Variants in LMO7 observed in about 807,000 individuals in gnomAD.
LMO7 encodes LIM domain only protein 7.
A neutral mutation model predicts 206.5 loss-of-function variants in LMO7; 120 were observed. That is an observed-to-expected ratio of 0.58 (90% CI 0.50 to 0.68). The LOEUF (loss-of-function observed/expected upper bound fraction) is 0.68. LMO7 is among the 30% of genes least tolerant of loss of function. The pLI, the probability that LMO7 is intolerant of heterozygous loss-of-function variation, is 0.00. For missense variants in LMO7, 1,959 were observed against 1,957.9 expected, an observed-to-expected ratio of 1.00 and a Z score of -0.01; for synonymous variants, 706 against 681.5, an observed-to-expected ratio of 1.04 and a Z score of -0.56.
intron 4 of LMO7, among the ~76,000 whole-genome samples, chr13:75,781,096 CTTTTTTTTTTTTT>C (rs367937964): frequency 2.4e-4 from 10 of 41,924 alleles, no homozygotes; most frequent in Admixed American, 3.4e-4. Flanking sequence ...CTCTATTTTC[CTTTTTTTTTTTTT>C]TTTTTTTTTT....
Position 75,630,518 on chromosome 13 carries a change from C to T in LMO7, c.225+7198C>T, listed in dbSNP as rs1353960718. 3.3e-5 allele frequency among the ~76,000 whole-genome samples: 5 copies of T among 151,982 alleles called. No individual in the cohort carries two copies. In the South Asian group the frequency reaches 1.0e-3, roughly 32 times the overall value. On this transcript the variant is annotated intron_variant, in intron 2 of 29. Coordinates refer to the LMO7 transcript ENST00000341547. ...TGAAACACCGTCTCTACAAAAAATA[C>T]AAAAATTACACCAGGCATGGTGGCA... is the stretch of plus-strand genomic sequence containing the variant.
intron 3 of LMO7, among the ~76,000 whole-genome samples, chr13:75,737,796 A>C (rs1382669151): frequency 3.1e-5 from 4 of 127,826 alleles, no homozygotes; most frequent in African/African-American, 5.7e-5. Context: ...AAAAAAAAAA[A>C]AAAAACTTTT....
intron 29 of LMO7, 145 bp from the exon 30 acceptor site, chr13:75,856,361 C>T: frequency 1.8e-6 from 1 of 570,976 alleles, no homozygotes. Context: ...ATCTACTAAT[C>T]ATCTTTCGGC....
chr13:75,743,863 G>A (rs945192370), intron 3 of LMO7, among the ~76,000 whole-genome samples: 1 of 151,956 alleles, frequency 6.6e-6, no homozygotes, highest in African/African-American at 2.4e-5. Flanking sequence ...AAAACCCCAC[G>A]AAAACACACT....
chr13:75,713,823 A>C (rs1323801941), intron 2 of LMO7, among the ~76,000 whole-genome samples: 1 of 152,210 alleles, frequency 6.6e-6, no homozygotes, highest in African/African-American at 2.4e-5. Context: ...TGATAGTATA[A>C]GGCCTACATT....
chr13:75,815,090 G>A (rs550638148), intron 11 of LMO7, among the ~76,000 whole-genome samples: 1 of 152,248 alleles, frequency 6.6e-6, no homozygotes, highest in African/African-American at 2.4e-5. Flanking sequence ...CAGTCTGAAA[G>A]GAACTCTCTG....
intron 1 of LMO7, among the ~76,000 whole-genome samples, chr13:75,660,101 C>G (rs894436351): frequency 2.0e-4 from 31 of 152,166 alleles, no homozygotes; most frequent in African/African-American, 7.0e-4. Context: ...TCTTGTAAAA[C>G]AACTCGGAGT....
intron 2 of LMO7, among the ~76,000 whole-genome samples, chr13:75,717,379 A>AC (rs1359487842): frequency 3.3e-5 from 5 of 149,762 alleles, no homozygotes; most frequent in African/African-American, 1.2e-4. Context: ...AAAAAAAAAA[A>AC]AACACACAAA....
chr13:75,681,718 G>GTGTATATATATATATATATATA (rs1270207162), intron 1 of LMO7, among the ~76,000 whole-genome samples: 1 of 104,564 alleles, frequency 9.6e-6, no homozygotes, highest in Admixed American at 1.3e-4. Context: ...ATATATATAT[G>GTGTATATATATATATATATATA]TATATATATA....
chr13:75,696,320 A>T (rs975535011), intron 1 of LMO7, among the ~76,000 whole-genome samples: 4 of 152,034 alleles, frequency 2.6e-5, no homozygotes, highest in Non-Finnish European at 4.4e-5. Context: ...GTGCCATTGC[A>T]CTCCAGCCTG....
rs116837072 is a variant in LMO7, at chr13:75,767,473, G to C, written c.317+6435G>C. Among the ~76,000 whole-genome samples, 827 of 151,938 alleles carry C rather than the reference G, an allele frequency of 5.4e-3. 8 individuals carry two copies. The highest frequency in any genetic ancestry group is 0.019 in the African/African-American group (777 of 41,464). ...TCAATATTACTTTAAGAAATTTTAC[G>C]AACAAGTTTACAGTAAGCCTCACTC... On this transcript the variant is annotated intron_variant, in intron 4 of 30. Coordinates refer to ENST00000377534, the MANE Select transcript of LMO7 (RefSeq NM_001306080.2).
chr13:75,855,469 G>A (rs1221004571), intron 29 of LMO7, 101 bp downstream of exon 29: 3 of 654,204 alleles, frequency 4.6e-6, no homozygotes, highest in Non-Finnish European at 5.5e-6. Flanking sequence ...AACAAGCTAG[G>A]TGCTGTATTC....
intron 11 of LMO7, among the ~76,000 whole-genome samples, chr13:75,810,211 A>G (rs191714084): frequency 8.5e-4 from 130 of 152,302 alleles, no homozygotes; most frequent in Non-Finnish European, 1.4e-3. Flanking sequence ...TAACTTTGTG[A>G]ATCTAAGGGC....
chr13:75,853,116 C>T lies in LMO7; in HGVS notation c.4389C>T (p.Asp1463=), dbSNP rs540065822. The change falls in exon 28 of 31, where the codon GAC becomes GAT. Residue 1463 remains aspartate (D), a synonymous_variant. Coordinates refer to ENST00000377534, the MANE Select transcript of LMO7 (RefSeq NM_001306080.2). ...GAGGCGAATCTTTAGATAACCTGGA[C>T]TCCCCCCGATCCAATTCTTGGAGAC... ...MRRGESLDNL[D]SPRSNSWRQP... is the part of the protein sequence containing the mutation. 6 of 1,608,174 alleles carry T rather than the reference C, an allele frequency of 3.7e-6. No homozygotes were observed. The South Asian group carries it at 5.5e-5, about 15-fold the overall frequency.
chr13:75,751,211 A>G lies in LMO7; in HGVS notation c.211-9721A>G, dbSNP rs577395641. Among the ~76,000 whole-genome samples, 3 of 111,856 alleles carry G rather than the reference A, an allele frequency of 2.7e-5. No individual in the cohort carries two copies. The Admixed American group carries it at 4.2e-4, about 16-fold the overall frequency. The allele number at this position is 111,856 out of a possible 152,430, so 73.4% of individuals were successfully genotyped here. A position where few individuals can be genotyped will look rare whatever the true frequency, so the allele number is the denominator to read the frequency against. ...AGCCTCGCTCTGTCGCCCAGGCTGG[A>G]GTTCAGCGGCGTGATCTCGGCTCAC... is the stretch of plus-strand genomic sequence containing the variant. On this transcript the variant is annotated intron_variant, in intron 3 of 30. Transcript: ENST00000377534.
At chr13:75,657,042 A>G (rs1376843283) in intron 1 of LMO7, among the ~76,000 whole-genome samples, 1 of 152,232 alleles carries the variant, frequency 6.6e-6, no homozygotes, top group Non-Finnish European at 1.5e-5. Flanking sequence ...GTATCTTTAT[A>G]AAAAGGGTAG....
chr13:75,731,409 G>T lies in LMO7; in HGVS notation c.210+4311G>T, dbSNP rs571369692. 4.2e-3 allele frequency among the ~76,000 whole-genome samples: 638 copies of T among 152,202 alleles called. 6 individuals carry two copies. The highest frequency in any genetic ancestry group is 0.014 in the African/African-American group (599 of 41,524). On this transcript the variant is annotated intron_variant, in intron 3 of 30. Coordinates refer to ENST00000377534, the MANE Select transcript of LMO7 (RefSeq NM_001306080.2). The stretch of plus-strand genomic sequence containing the variant: ...TGGCCTTCTTTGTCTCTTTTGATCT[G>T]TGTTGGTTTAAAGTCTGTTTCATCA...
At chr13:75,786,879 G>A (rs1249182894) in intron 4 of LMO7, among the ~76,000 whole-genome samples, 1 of 152,050 alleles carries the variant, frequency 6.6e-6, no homozygotes, top group Non-Finnish European at 1.5e-5. Context: ...TAAAACCAAA[G>A]CCTACTATTT....
chr13:75,837,122 G>A (rs2059192321), intron 19 of LMO7, among the ~76,000 whole-genome samples: 1 of 152,120 alleles, frequency 6.6e-6, no homozygotes, highest in South Asian at 2.1e-4. Context: ...AATGGGACTG[G>A]GTTTTCACAG....
Sources: gnomAD v4.1 joint callset for allele counts (sites outside exome capture counted in the v4.1 genomes callset) on GRCh38, gnomAD v4.1.1 for gene constraint, MANE v1.5 for transcripts, NCBI Gene and HGNC (gene_info 2026-07-23, HGNC 2026-07-21) for gene names.